Variants in CNTN4 observed in about 807,000 individuals in gnomAD.
CNTN4 encodes the protein contactin-4.
Under a neutral mutation model 122.5 loss-of-function variants are expected in CNTN4, and 77 were observed. That is an observed-to-expected ratio of 0.63 (90% CI 0.52 to 0.76). The LOEUF is 0.76. Ranked by LOEUF, CNTN4 falls within the 30% of genes least tolerant of loss-of-function variation. CNTN4 has a pLI of 0.00. For synonymous variants in CNTN4, 512 were observed against 447.0 expected (o/e 1.15, Z -1.83); for missense variants, 1,256 against 1,259.1 (o/e 1.00, Z 0.04).
chr3:2,558,943 C>T (rs1416874518), intron 3 of CNTN4, among the ~76,000 whole-genome samples: 2 of 152,160 alleles, frequency 1.3e-5, no homozygotes, highest in South Asian at 2.1e-4. Context: ...CCCAGAACTA[C>T]AGAGACATCT....
chr3:2,440,248 A>G (rs1482478837), intron 3 of CNTN4, among the ~76,000 whole-genome samples: 2 of 152,200 alleles, frequency 1.3e-5, no homozygotes, highest in Non-Finnish European at 2.9e-5. Flanking sequence ...TCAGTAAACT[A>G]TCGCAAGGAC....
At chr3:2,920,967 T>A (rs6770695) in intron 12 of CNTN4, among the ~76,000 whole-genome samples, 85,066 of 151,590 alleles carry the variant, frequency 0.56, 23,826 homozygotes, top group East Asian at 0.68. Context: ...CATGCTAACA[T>A]CAAAATGGAA....
At chr3:2,973,866 T>G (rs1292155269) in intron 13 of CNTN4, among the ~76,000 whole-genome samples, 1 of 152,194 alleles carries the variant, frequency 6.6e-6, no homozygotes, top group Non-Finnish European at 1.5e-5. Context: ...CAACACAGTT[T>G]ATACTTATTC....
chr3:2,775,800 C>G (rs919083132), intron 6 of CNTN4, among the ~76,000 whole-genome samples: 2 of 152,006 alleles, frequency 1.3e-5, no homozygotes, highest in Admixed American at 1.3e-4. Flanking sequence ...TATTTTTTGT[C>G]TTTTTTACTA....
intron 3 of CNTN4, among the ~76,000 whole-genome samples, chr3:2,379,643 A>G (rs1367636530): frequency 6.6e-6 from 1 of 152,220 alleles, no homozygotes; most frequent in Non-Finnish European, 1.5e-5. Flanking sequence ...TTTTGAAATT[A>G]GACTGCAAGA....
At chr3:2,280,072 C>T (rs557534820) in intron 2 of CNTN4, among the ~76,000 whole-genome samples, 71 of 150,252 alleles carry the variant, frequency 4.7e-4, no homozygotes, top group African/African-American at 1.6e-3. Flanking sequence ...ATCAGGTTTT[C>T]TTGAACATCA....
intron 6 of CNTN4, among the ~76,000 whole-genome samples, chr3:2,802,063 CATT>C (rs1184228741): frequency 1.3e-5 from 2 of 152,076 alleles, no homozygotes; most frequent in Non-Finnish European, 2.9e-5. Context: ...TTGTTCTTGC[CATT>C]ATTATCATTT....
Position 2,381,660 on chromosome 3 carries a change from T to G in CNTN4, c.-89+42427T>G, listed in dbSNP as rs201979263. ...GAATATTTGAAGACTTTCAAACTGA[T>G]TTTCTTCCAATTAAAATATTTGTAA... On this transcript the variant is annotated intron_variant, in intron 3 of 24. Coordinates refer to ENST00000418658, the MANE Select transcript of CNTN4 (RefSeq NM_175607.3). 2.5e-4 allele frequency among the ~76,000 whole-genome samples: 38 copies of G among 152,302 alleles called. 1 individual carries two copies. The East Asian group carries it at 6.8e-3, about 27-fold the overall frequency.
chr3:2,773,583 T>G (rs1190346692), intron 6 of CNTN4, among the ~76,000 whole-genome samples: 1 of 152,012 alleles, frequency 6.6e-6, no homozygotes, highest in African/African-American at 2.4e-5. Context: ...GGTGTTCGGT[T>G]GGGTTCCTGC....
chr3:2,282,224 A>G (rs1023540999), intron 2 of CNTN4, among the ~76,000 whole-genome samples: 4 of 152,182 alleles, frequency 2.6e-5, no homozygotes, highest in Admixed American at 1.3e-4. Flanking sequence ...AGTCAAATGT[A>G]GCAAACATTA....
intron 13 of CNTN4, among the ~76,000 whole-genome samples, chr3:2,960,935 A>G (rs17029810): frequency 0.056 from 8,450 of 152,202 alleles, 340 homozygotes; most frequent in Non-Finnish European, 0.079. Context: ...TGCGAACAAG[A>G]TAAAGGCCTA....
At chr3:2,210,414 C>T (rs1053172512) in intron 2 of CNTN4, among the ~76,000 whole-genome samples, 3 of 152,146 alleles carry the variant, frequency 2.0e-5, no homozygotes, top group African/African-American at 7.2e-5. Flanking sequence ...TTCCGGCATA[C>T]CATTGTCTGC....
chr3:2,174,162 G>T (rs2036641648), intron 2 of CNTN4, among the ~76,000 whole-genome samples: 1 of 152,098 alleles, frequency 6.6e-6, no homozygotes. Context: ...GCAGCAACTT[G>T]GTTTCTGCAG....
intron 3 of CNTN4, among the ~76,000 whole-genome samples, chr3:2,402,983 C>T (rs993467394): frequency 5.3e-5 from 8 of 152,026 alleles, no homozygotes; most frequent in Non-Finnish European, 8.8e-5. Flanking sequence ...ATTGTCTTAT[C>T]GTTCTGGAGG....
rs1699101735 is a variant in CNTN4, at chr3:3,030,850, A to G, written c.1663-5A>G. The G allele has an allele frequency of 2.5e-6, 4 of 1,613,808 alleles. No homozygotes were observed. The highest frequency in any genetic ancestry group is 2.2e-5 in the East Asian group (1 of 44,892). ...AATTGCAGCCACTTTCCCCTACTTT[A>G]TCAGCAGGATTCAGCTGGTGATTTG... On this transcript the variant is annotated splice_polypyrimidine_tract_variant and splice_region_variant and intron_variant, in intron 15 of 24. Coordinates refer to ENST00000418658, the MANE Select transcript of CNTN4 (RefSeq NM_175607.3).
At chr3:2,268,832 G>T (rs1429728013) in intron 2 of CNTN4, among the ~76,000 whole-genome samples, 1 of 152,136 alleles carries the variant, frequency 6.6e-6, no homozygotes, top group South Asian at 2.1e-4. Context: ...TATGAGAGTG[G>T]AATCCTTGGT....
intron 4 of CNTN4, among the ~76,000 whole-genome samples, chr3:2,632,188 A>G (rs535624915): frequency 1.2e-4 from 19 of 152,018 alleles, no homozygotes; most frequent in Non-Finnish European, 2.4e-4. Context: ...TAATTGTTTA[A>G]TTCCCCTAGT....
At chr3:2,634,233 C>G (rs989263461) in intron 4 of CNTN4, among the ~76,000 whole-genome samples, 1 of 152,096 alleles carries the variant, frequency 6.6e-6, no homozygotes, top group Non-Finnish European at 1.5e-5. Context: ...AGTATTTTCT[C>G]TTAGATATTA....
chr3:2,158,535 T>C (rs2149162144), intron 2 of CNTN4, among the ~76,000 whole-genome samples: 1 of 152,330 alleles, frequency 6.6e-6, no homozygotes, highest in African/African-American at 2.4e-5. Context: ...CCTCCTATTG[T>C]TTGCTCTTCC....
Sources: gnomAD v4.1 joint callset for allele counts (sites outside exome capture counted in the v4.1 genomes callset) on GRCh38, gnomAD v4.1.1 for gene constraint, MANE v1.5 for transcripts, NCBI Gene and HGNC (gene_info 2026-07-23, HGNC 2026-07-21) for gene names.